Variants in STK4 observed in about 807,000 individuals in gnomAD.
STK4 encodes serine/threonine-protein kinase 4.
Under a neutral mutation model 64.9 loss-of-function variants are expected in STK4, and 30 were observed. The observed-to-expected ratio is 0.46, with a 90% CI of 0.35 to 0.63. The LOEUF (loss-of-function observed/expected upper bound fraction) is 0.63. STK4 is among the 20% of genes least tolerant of loss of function. STK4 has a pLI of 0.01. For missense variants in STK4, 466 were observed against 598.5 expected (o/e 0.78, Z 2.31); for synonymous variants, 177 against 199.0 (o/e 0.89, Z 0.93).
At chr20:44,970,247 A>G (rs536316042) in intron 1 of STK4, among the ~76,000 whole-genome samples, 3 of 80,948 alleles carry the variant, frequency 3.7e-5, no homozygotes, top group Non-Finnish European at 9.2e-5. Context: ...AAAAAAAAAG[A>G]AAAAAAAAGT....
At chr20:45,056,642 T>G (rs1978505578) in intron 10 of STK4, among the ~76,000 whole-genome samples, 1 of 152,214 alleles carries the variant, frequency 6.6e-6, no homozygotes, top group Non-Finnish European at 1.5e-5. Context: ...GTTCTTCCAT[T>G]AGTGGGCAAA....
At chr20:45,018,762 G>T (rs1267915694) in intron 9 of STK4, among the ~76,000 whole-genome samples, 2 of 144,820 alleles carry the variant, frequency 1.4e-5, no homozygotes, top group African/African-American at 5.1e-5. Context: ...ACAGGATCTT[G>T]GTCTGTTGCC....
intron 5 of STK4, among the ~76,000 whole-genome samples, chr20:44,989,138 A>G (rs933585219): frequency 6.6e-6 from 1 of 152,186 alleles, no homozygotes; most frequent in Non-Finnish European, 1.5e-5. Flanking sequence ...TGATACACAG[A>G]GTTGCTGGAT....
At chr20:45,073,080 G>A (rs1001693486) in intron 10 of STK4, among the ~76,000 whole-genome samples, 5 of 152,176 alleles carry the variant, frequency 3.3e-5, no homozygotes, top group Admixed American at 2.0e-4. Flanking sequence ...TTTAGGACCT[G>A]TGATCCCAAA....
intron 10 of STK4, among the ~76,000 whole-genome samples, chr20:45,061,159 G>GC (rs1978962740): frequency 6.6e-6 from 1 of 152,022 alleles, no homozygotes; most frequent in South Asian, 2.1e-4. Flanking sequence ...CAAAACAGGT[G>GC]CTTTGTGAAT....
chr20:45,053,195 T>C, intron 10 of STK4: 3 of 1,603,874 alleles, frequency 1.9e-6, no homozygotes, highest in African/African-American at 1.3e-5. Flanking sequence ...ATGAATGTCA[T>C]CTTTGTCTCA....
chr20:44,998,005 C>T (rs1435573510), intron 7 of STK4, among the ~76,000 whole-genome samples: 1 of 152,138 alleles, frequency 6.6e-6, no homozygotes, highest in Non-Finnish European at 1.5e-5. Context: ...GTAGCACAGT[C>T]AGTATTAGAA....
chr20:45,077,147 A>C lies in STK4; in HGVS notation c.*1971A>C, dbSNP rs952532248. ...GGTCATGCAGCTAGTAAATGATAGAATCAGGATTCATAGCATCACTATAGG... is the reference window on the plus strand; with the variant it reads ...GGTCATGCAGCTAGTAAATGATAGACTCAGGATTCATAGCATCACTATAGG... On this transcript the variant is annotated 3_prime_UTR_variant, in exon 11 of 11. Coordinates refer to ENST00000372806, the MANE Select transcript of STK4 (RefSeq NM_006282.5). The C allele has an allele frequency of 6.6e-6, 1 of 152,230 alleles. No homozygotes were observed. Among genetic ancestry groups the C allele is most frequent in the Non-Finnish European group, 1.5e-5 (1 of 68,042 alleles). 9.4% of individuals were successfully genotyped at this position (152,230 alleles called of 1,614,324 possible).
intron 5 of STK4, among the ~76,000 whole-genome samples, chr20:44,989,934 G>A (rs2145672429): frequency 6.6e-6 from 1 of 152,206 alleles, no homozygotes; most frequent in African/African-American, 2.4e-5. Flanking sequence ...GTGCTGTCTT[G>A]ATTACTGTAA....
Position 44,966,512 on chromosome 20 carries a change from A to C in STK4, c.-57A>C. On this transcript the variant is annotated 5_prime_UTR_variant, in exon 1 of 11. Coordinates refer to ENST00000372806, the MANE Select transcript of STK4 (RefSeq NM_006282.5). ...GTGGGAGGGTCTGCGGGGCGGGCTC[A>C]GGAGGTCCGCGGGAGGATGGAGCAG... The C allele has an allele frequency of 2.4e-6, 3 of 1,252,032 alleles. No individual in the cohort carries two copies. The highest frequency in any genetic ancestry group is 3.0e-6 in the Non-Finnish European group (3 of 989,334). 77.6% of individuals were successfully genotyped at this position (1,252,032 alleles called of 1,614,324 possible).
chr20:44,981,264 C>T (rs1005089472), intron 3 of STK4, among the ~76,000 whole-genome samples: 1 of 152,024 alleles, frequency 6.6e-6, no homozygotes, highest in Non-Finnish European at 1.5e-5. Flanking sequence ...AAACAATTTT[C>T]CTGCCTCAGC....
At chr20:45,012,141 T>C (rs2145348399) in intron 9 of STK4, among the ~76,000 whole-genome samples, 1 of 151,932 alleles carries the variant, frequency 6.6e-6, no homozygotes, top group Middle Eastern at 3.4e-3. Flanking sequence ...GTTCAAGCAA[T>C]TCCCCTGTCT....
rs1478828108 is a variant in STK4, at chr20:45,024,984, A to G, written c.1159A>G (p.Thr387Ala). 4 of 1,609,344 alleles carry G rather than the reference A, an allele frequency of 2.5e-6. No homozygotes were observed. Among genetic ancestry groups the G allele is most frequent in the Admixed American group, 1.7e-5 (1 of 59,286 alleles). The change falls in exon 10 of 11, where the codon ACC becomes GCC. Residue 387 changes from threonine (T) to alanine (A), a missense_variant. Coordinates refer to ENST00000372806, the MANE Select transcript of STK4 (RefSeq NM_006282.5). ...TTCTTTGTTTTCAGGAAGGGATGAG[A>G]CCATGCAGCCTGCGAAACCATCCTT... Reference protein sequence around the residue: ...EEGTMKRRDETMQPAKPSFLE... With the variant: ...EEGTMKRRDEAMQPAKPSFLE...
intron 10 of STK4, among the ~76,000 whole-genome samples, chr20:45,058,087 A>C (rs200414827): frequency 2.2e-4 from 29 of 134,330 alleles, no homozygotes; most frequent in South Asian, 9.5e-4. Flanking sequence ...ACACACACAC[A>C]CCCCTACCCC....
At chr20:45,072,674 A>G (rs563011205) in intron 10 of STK4, among the ~76,000 whole-genome samples, 3 of 152,216 alleles carry the variant, frequency 2.0e-5, no homozygotes, top group Non-Finnish European at 2.9e-5. Context: ...AACTGTACAT[A>G]AGTTAACAGG....
chr20:45,049,196 G>A (rs2068741655), intron 10 of STK4, among the ~76,000 whole-genome samples: 1 of 152,092 alleles, frequency 6.6e-6, no homozygotes, highest in Admixed American at 6.6e-5. Flanking sequence ...GCAGCTGGAG[G>A]GAGAGCAAAC....
At chr20:45,031,399 T>C (rs2068440538) in intron 10 of STK4, among the ~76,000 whole-genome samples, 1 of 152,128 alleles carries the variant, frequency 6.6e-6, no homozygotes, top group Non-Finnish European at 1.5e-5. Flanking sequence ...TAAATGTAAA[T>C]GCATCAGTAA....
intron 5 of STK4, among the ~76,000 whole-genome samples, chr20:44,993,557 C>A (rs985534018): frequency 6.6e-6 from 1 of 152,208 alleles, no homozygotes; most frequent in Admixed American, 6.5e-5. Flanking sequence ...TTACATAGGA[C>A]TGACAATGAG....
intron 10 of STK4, among the ~76,000 whole-genome samples, chr20:45,053,892 G>GT (rs368887439): frequency 9.9e-5 from 15 of 150,856 alleles, no homozygotes; most frequent in East Asian, 5.8e-4. Context: ...AAAGATAGTA[G>GT]TTTTTTTTTG....
Sources: allele counts gnomAD v4.1 joint callset (sites outside exome capture counted in the v4.1 genomes callset), GRCh38; gene constraint gnomAD v4.1.1; transcripts MANE v1.5; gene names NCBI Gene and HGNC (gene_info 2026-07-23, HGNC 2026-07-21).